FAT2: variants seen among roughly 807,000 people sequenced by gnomAD.
FAT2 encodes the protein protocadherin Fat 2.
Under a neutral mutation model 295.3 loss-of-function variants are expected in FAT2, and 150 were observed. That is an observed-to-expected ratio of 0.51 (90% confidence interval 0.44 to 0.58). The LOEUF is 0.58. Ranked by LOEUF, FAT2 falls within the 20% of genes least tolerant of loss-of-function variation. The probability of loss-of-function intolerance (pLI) is 0.00; values close to 1 mark genes in which losing one functional copy is unlikely to be tolerated. For missense variants in FAT2, 4,868 were observed against 5,442.7 expected (o/e 0.89, Z 3.32); for synonymous variants, 2,026 against 2,150.3 (o/e 0.94, Z 1.60).
At position 151,567,794 on chromosome 5, in the gene FAT2, G is replaced by A. The variant is rs377151192; in HGVS notation, c.1138C>T (p.Arg380Cys). The change falls in exon 2 of 24, where the codon CGC becomes TGC. Residue 380 changes from arginine (R) to cysteine (C), a missense_variant. Transcript: ENST00000261800. ...GGGGTGACTCTCACCATCACCACGC[G>A]GCTGCCAGGAGGGGAAAACTCACTA... Reference protein sequence around the residue: ...QLSEFSPPGSRVVMVRVTPAF... With the variant: ...QLSEFSPPGSCVVMVRVTPAF... The A allele has an allele frequency of 1.8e-5, 29 of 1,614,008 alleles. No homozygotes were observed. Among genetic ancestry groups the A allele is most frequent in the African/African-American group, 6.7e-5 (5 of 74,904 alleles).
chr5:151,540,011 T>C (rs978295753), intron 11 of FAT2, among the ~76,000 whole-genome samples: 3 of 152,172 alleles, frequency 2.0e-5, no homozygotes, highest in African/African-American at 7.2e-5. Context: ...TTGTCTGGGG[T>C]CAGGTCTCTG....
chr5:151,594,050 G>A (rs190157649), upstream of FAT2, among the ~76,000 whole-genome samples: 1 of 152,260 alleles, frequency 6.6e-6, no homozygotes, highest in Non-Finnish European at 1.5e-5. Flanking sequence ...TCAGCACTCT[G>A]CATGAATTAT....
intron 10 of FAT2, among the ~76,000 whole-genome samples, chr5:151,541,508 A>T (rs939477026): frequency 2.0e-5 from 3 of 152,176 alleles, no homozygotes; most frequent in African/African-American, 7.2e-5. Context: ...TTTCAGGCTC[A>T]TGGGCTTTTC....
chr5:151,579,841 C>A (rs920788205), intron 1 of FAT2, among the ~76,000 whole-genome samples: 3 of 151,914 alleles, frequency 2.0e-5, no homozygotes, highest in Non-Finnish European at 4.4e-5. Flanking sequence ...ATGCATGGCA[C>A]CTAGTAGTTG....
chr5:151,519,042 T>C (rs530598588), intron 19 of FAT2, among the ~76,000 whole-genome samples: 1 of 152,080 alleles, frequency 6.6e-6, no homozygotes, highest in Non-Finnish European at 1.5e-5. Context: ...GCACAAGGGA[T>C]TATAACATCC....
chr5:151,593,668 AG>A (rs1258664075), upstream of FAT2, among the ~76,000 whole-genome samples: 5 of 152,232 alleles, frequency 3.3e-5, no homozygotes, highest in African/African-American at 1.2e-4. Context: ...CCCCTTTGTG[AG>A]CACATCCTGA....
intron 10 of FAT2, among the ~76,000 whole-genome samples, chr5:151,541,694 A>G (rs1390082719): frequency 6.6e-6 from 1 of 152,264 alleles, no homozygotes; most frequent in Non-Finnish European, 1.5e-5. Flanking sequence ...GTATCCACTA[A>G]TGAAAGCAGC....
At chr5:151,581,487 C>G (rs922485274) in intron 1 of FAT2, among the ~76,000 whole-genome samples, 1 of 152,144 alleles carries the variant, frequency 6.6e-6, no homozygotes, top group Non-Finnish European at 1.5e-5. Context: ...CGCTAGAGGC[C>G]CTGAAGATGG....
At chr5:151,584,557 C>T (rs912295207) in intron 1 of FAT2, among the ~76,000 whole-genome samples, 13 of 152,194 alleles carry the variant, frequency 8.5e-5, no homozygotes, top group Non-Finnish European at 1.8e-4. Flanking sequence ...AGATTTAGTA[C>T]TCCCTTGGCT....
Position 151,542,932 on chromosome 5 carries a change from G to A in FAT2, c.8195C>T (p.Pro2732Leu), listed in dbSNP as rs1581392277. The A allele has an allele frequency of 3.1e-6, 5 of 1,614,210 alleles. No individual in the cohort carries two copies. Among genetic ancestry groups the A allele is most frequent in the Non-Finnish European group, 4.2e-6 (5 of 1,180,028 alleles). ...GAAGACACCATCCTTGTTGCTCTCA[G>A]GTGTAGTGCCCCGCACTAGACTGTA... is the stretch of plus-strand genomic sequence containing the variant. ...VIYSLVRGTTPESNKDGVFSL... is the reference protein window; with the variant it reads ...VIYSLVRGTTLESNKDGVFSL... The change falls in exon 10 of 24, where the codon CCT becomes CTT. Residue 2732 changes from proline to leucine, a missense_variant. Transcript: ENST00000261800.
intron 1 of FAT2, among the ~76,000 whole-genome samples, chr5:151,579,919 A>C (rs745568365): frequency 9.2e-5 from 14 of 152,186 alleles, no homozygotes; most frequent in Non-Finnish European, 1.6e-4. Context: ...ATTGAAATAG[A>C]CCTGCTATAA....
intron 1 of FAT2, among the ~76,000 whole-genome samples, chr5:151,587,206 G>A (rs1160256365): frequency 6.6e-5 from 10 of 151,938 alleles, no homozygotes; most frequent in African/African-American, 2.4e-4. Context: ...TGTTGAAGCT[G>A]AGTGATAGGG....
chr5:151,567,540 A>G lies in FAT2; in HGVS notation c.1392T>C (p.Asp464=), dbSNP rs1348759537. The G allele has an allele frequency of 3.7e-6, 6 of 1,614,052 alleles. No individual in the cohort carries two copies. The highest frequency in any genetic ancestry group is 5.1e-6 in the Non-Finnish European group (6 of 1,180,034). ...HAPLFNRSSY[D]GTLDENIPPG... ...GAGGGATGTTCTCATCCAAGGTACC[A>G]TCATAGGAAGACCTGTTGAAGAGGG... The change falls in exon 2 of 24, where the codon GAT becomes GAC. Residue 464 remains aspartate (D), a synonymous_variant. Coordinates refer to ENST00000261800, the MANE Select transcript of FAT2 (RefSeq NM_001447.3).
At chr5:151,515,780 C>G (rs558801092) in intron 20 of FAT2, among the ~76,000 whole-genome samples, 1 of 152,352 alleles carries the variant, frequency 6.6e-6, no homozygotes, top group Admixed American at 6.5e-5. Flanking sequence ...GGCCTCCTGA[C>G]TGGGTCTCTC....
chr5:151,527,601 G>A (rs1264840236), intron 16 of FAT2, among the ~76,000 whole-genome samples: 3 of 152,132 alleles, frequency 2.0e-5, no homozygotes, highest in Non-Finnish European at 4.4e-5. Flanking sequence ...TTGGGAAAGT[G>A]AATGAATTTA....
rs1299819158 is a variant in FAT2, at chr5:151,542,649, A to T, written c.8478T>A (p.Thr2826=). 2.5e-6 allele frequency: 4 copies of T among 1,614,100 alleles called. No homozygotes were observed. Among genetic ancestry groups the T allele is most frequent in the Non-Finnish European group, 3.4e-6 (4 of 1,180,044 alleles). ...VIQVTAIDKD[T]GRDGQVSYRL... ...TGTAGCTCACCTGGCCATCTCTCCCAGTGTCCTTGTCAATGGCAGTCACTT... is the reference window on the plus strand; with the variant it reads ...TGTAGCTCACCTGGCCATCTCTCCCTGTGTCCTTGTCAATGGCAGTCACTT... Residue 2826 remains threonine, a synonymous_variant, in exon 10 of 24, where the codon ACT becomes ACA. Transcript: ENST00000261800.
chr5:151,527,957 T>A (rs1376846427), intron 16 of FAT2, 39 bp downstream of exon 16: 10 of 1,607,380 alleles, frequency 6.2e-6, no homozygotes, highest in Non-Finnish European at 8.5e-6. Context: ...GTGTCTCTGC[T>A]CTAATGAGCT....
chr5:151,550,009 A>G (rs1757031406), intron 8 of FAT2, among the ~76,000 whole-genome samples: 1 of 152,180 alleles, frequency 6.6e-6, no homozygotes, highest in Non-Finnish European at 1.5e-5. Context: ...TGGTTCCATC[A>G]TAAATAACTG....
At position 151,512,434 on chromosome 5, in the gene FAT2, G is replaced by A. The variant is rs1371332941; in HGVS notation, c.11636C>T (p.Pro3879Leu). Residue 3879 changes from proline to leucine, a missense_variant, in exon 21 of 24, where the codon CCA becomes CTA. This residue lies in a region of FAT2 where 1,046 missense variants were observed against 1,210.1 expected (regional missense o/e 0.86). Coordinates refer to ENST00000261800, the MANE Select transcript of FAT2 (RefSeq NM_001447.3). The surrounding 1 kb of genome is among the most constrained non-coding windows in gnomAD (Gnocchi z 4.1). ...GGGCCTCAGACCACGGCAGTTCTCTGGGACCACAAGGGAGGTGTTGCCCAT... is the reference window on the plus strand; with the variant it reads ...GGGCCTCAGACCACGGCAGTTCTCTAGGACCACAAGGGAGGTGTTGCCCAT... ...DSMGNTSLVV[P>L]ENCRGLRPER... 6.2e-7 allele frequency: 1 copy of A among 1,614,248 alleles called. No homozygotes were observed. The highest frequency in any genetic ancestry group is 1.7e-5 in the Admixed American group (1 of 60,030).
Sources: allele counts gnomAD v4.1 joint callset (sites outside exome capture counted in the v4.1 genomes callset), GRCh38; gene constraint gnomAD v4.1.1; regional missense constraint gnomAD v4.1.1; non-coding constraint Gnocchi (gnomAD v3.1); transcripts MANE v1.5; gene names NCBI Gene and HGNC (gene_info 2026-07-23, HGNC 2026-07-21).